The following KRABD5 variants were observed in gnomAD, a reference collection of about 807,000 sequenced individuals.
The protein encoded by KRABD5 is KRAB domain-containing protein 5.
the KRABD5 span, chr16:31,733,743 C>G: frequency 2.4e-6 from 1 of 410,168 alleles, no homozygotes; most frequent in Non-Finnish European, 5.0e-6. Flanking sequence ...TTTTAAGGCT[C>G]AGTAATGTTC....
At chr16:31,754,354 A>G in the KRABD5 span, 1 of 612,224 alleles carries the variant, frequency 1.6e-6, no homozygotes, top group Non-Finnish European at 2.9e-6. Flanking sequence ...ATCAATGTCA[A>G]GGAATAGATA....
the KRABD5 span, among the ~76,000 whole-genome samples, chr16:31,744,451 A>G: frequency 1.3e-5 from 2 of 152,092 alleles, no homozygotes; most frequent in South Asian, 4.2e-4. Context: ...TATTGAACCA[A>G]CCTCACATCC....
chr16:31,731,201 T>C, the KRABD5 span, among the ~76,000 whole-genome samples: 2 of 152,204 alleles, frequency 1.3e-5, no homozygotes, highest in Non-Finnish European at 2.9e-5. Context: ...AATACTTTCT[T>C]CTTTCAGATC....
the KRABD5 span, among the ~76,000 whole-genome samples, chr16:31,737,914 G>A: frequency 6.6e-6 from 1 of 152,050 alleles, no homozygotes; most frequent in Admixed American, 6.5e-5. Flanking sequence ...ATCACTTTAG[G>A]TAGTATTGAC....
At chr16:31,716,499 C>A in the KRABD5 span, among the ~76,000 whole-genome samples, 2 of 152,150 alleles carry the variant, frequency 1.3e-5, no homozygotes, top group African/African-American at 2.4e-5. Context: ...CTCAGCCTCC[C>A]CAATCACTGG....
At chr16:31,742,283 G>A in the KRABD5 span, among the ~76,000 whole-genome samples, 1 of 150,502 alleles carries the variant, frequency 6.6e-6, no homozygotes, top group African/African-American at 2.4e-5. Flanking sequence ...TGCACCTGTT[G>A]ACCCATTGTC....
chr16:31,722,811 T>C, the KRABD5 span: 5 of 1,484,608 alleles, frequency 3.4e-6, no homozygotes, highest in East Asian at 2.5e-5. Context: ...TTTATTTCTT[T>C]CCTTTGTAGA....
chr16:31,757,068 TC>T, the KRABD5 span: 1 of 152,254 alleles, frequency 6.6e-6, no homozygotes, highest in African/African-American at 2.4e-5. Context: ...AATCCTTTTT[TC>T]TTGCCTGTGA....
the KRABD5 span, among the ~76,000 whole-genome samples, chr16:31,736,723 T>G: frequency 6.6e-6 from 1 of 152,208 alleles, no homozygotes; most frequent in South Asian, 2.1e-4. Context: ...TTTCACCATG[T>G]TGACCAGGCT....
chr16:31,756,137 G>A, the KRABD5 span: 1 of 152,362 alleles, frequency 6.6e-6, no homozygotes, highest in Non-Finnish European at 1.5e-5. Flanking sequence ...TATTTTTTCT[G>A]CATCAGAGCT....
the KRABD5 span, chr16:31,713,259 C>T: frequency 2.5e-6 from 2 of 807,926 alleles, no homozygotes; most frequent in Non-Finnish European, 2.0e-6. Flanking sequence ...TTGGCGGTGG[C>T]CTTTGTTGGC....
chr16:31,713,562 C>G, the KRABD5 span: 2 of 1,358,522 alleles, frequency 1.5e-6, no homozygotes, highest in Non-Finnish European at 2.0e-6. Context: ...GGCCCTTGGT[C>G]CCCTCCGCCG....
chr16:31,728,224 T>C, the KRABD5 span, among the ~76,000 whole-genome samples: 20,254 of 152,130 alleles, frequency 0.13, 1,772 homozygotes, highest in South Asian at 0.32. Flanking sequence ...TTCTCAATTT[T>C]GTTTTCTTTG....
the KRABD5 span, among the ~76,000 whole-genome samples, chr16:31,716,134 C>T: frequency 6.6e-6 from 1 of 152,218 alleles, no homozygotes; most frequent in Non-Finnish European, 1.5e-5. Context: ...AATTCCCATA[C>T]AGGTGCCTAG....
the KRABD5 span, among the ~76,000 whole-genome samples, chr16:31,750,197 A>G: frequency 6.6e-6 from 1 of 151,992 alleles, no homozygotes; most frequent in African/African-American, 2.4e-5. Flanking sequence ...TGTGTTGTCT[A>G]TCATTTTTTT....
the KRABD5 span, among the ~76,000 whole-genome samples, chr16:31,720,095 G>GT: frequency 0.015 from 2,271 of 152,308 alleles, 67 homozygotes; most frequent in African/African-American, 0.052. Flanking sequence ...ACCATGTGAT[G>GT]TTGCCAGCAC....
the KRABD5 span, among the ~76,000 whole-genome samples, chr16:31,719,174 T>C: frequency 2.6e-5 from 4 of 152,240 alleles, no homozygotes; most frequent in Non-Finnish European, 4.4e-5. Context: ...CAGCATCATG[T>C]GATCCGGTGC....
the KRABD5 span, chr16:31,723,111 A>G: frequency 3.4e-6 from 3 of 875,618 alleles, no homozygotes; most frequent in Non-Finnish European, 3.4e-6. Context: ...TGCTTCCTGA[A>G]TATTCTAAAG....
chr16:31,761,390 T>C, the KRABD5 span: 1 of 152,182 alleles, frequency 6.6e-6, no homozygotes, highest in Non-Finnish European at 1.5e-5. Flanking sequence ...GCTGTATTCA[T>C]TCTGCTCAGT....
Sources: allele counts gnomAD v4.1 joint callset (sites outside exome capture counted in the v4.1 genomes callset), GRCh38; gene constraint gnomAD v4.1.1; transcripts MANE v1.5; gene names NCBI Gene and HGNC (gene_info 2026-07-23, HGNC 2026-07-21).